PKDREJ: variants seen among roughly 807,000 people sequenced by gnomAD.
PKDREJ encodes polycystin family receptor for egg jelly, also known as PKD and REJ homolog.
For synonymous variants in PKDREJ, 1,031 were observed against 1,095.5 expected, an observed-to-expected ratio of 0.94 and a Z score of 1.16; for missense variants, 2,507 against 2,807.2, an observed-to-expected ratio of 0.89 and a Z score of 2.42.
At position 46,263,307 on chromosome 22, in the gene PKDREJ, C is replaced by T. The variant is rs2147777754; in HGVS notation, c.16G>A (p.Ala6Thr). The change falls in exon 1 of 1, where the codon GCT (alanine) becomes ACT (threonine). Residue 6 changes from alanine to threonine, a missense_variant. Transcript: ENST00000253255. The surrounding 1 kb of genome is among the most constrained non-coding windows in gnomAD (Gnocchi z 9.4). MRPGP[A>T]LLLLGVGLSL... is the part of the protein sequence containing the mutation. Reference sequence around the variant, plus strand: ...AGGCCCACGCCCAGAAGGAGGAGAGCGGGCCCAGGCCTCATGGCGCCGGCC... The same window carrying T: ...AGGCCCACGCCCAGAAGGAGGAGAGTGGGCCCAGGCCTCATGGCGCCGGCC... The T allele has an allele frequency of 2.8e-6, 4 of 1,441,578 alleles. No individual in the cohort carries two copies. Among genetic ancestry groups the T allele is most frequent in the Middle Eastern group, 2.5e-4 (1 of 4,060 alleles). 89.3% of individuals were successfully genotyped at this position (1,441,578 alleles called of 1,614,324 possible). A position where few individuals can be genotyped will look rare whatever the true frequency, so the allele number is the denominator to read the frequency against.
In PKDREJ at chr22:46,262,179, C is replaced by A; in HGVS notation, c.1144G>T (p.Asp382Tyr). The A allele has an allele frequency of 6.2e-7, 1 of 1,614,238 alleles. No homozygotes were observed. Among genetic ancestry groups the A allele is most frequent in the East Asian group, 2.2e-5 (1 of 44,884 alleles). Residue 382 changes from aspartate to tyrosine, a missense_variant, in exon 1 of 1, where the codon GAT (aspartate) becomes TAT (tyrosine). Transcript: ENST00000253255. The surrounding 1 kb of genome is among the most constrained non-coding windows in gnomAD (Gnocchi z 8.1). Reference sequence around the variant, plus strand: ...CGATCCCCACCGTAGTTTCTGGGATCTGTGGTACAGTACCAAAAGAACTGG... The same window carrying A: ...CGATCCCCACCGTAGTTTCTGGGATATGTGGTACAGTACCAAAAGAACTGG... ...GLQFFWYCTTDPRNYGGDRII... is the reference protein window; with the variant it reads ...GLQFFWYCTTYPRNYGGDRII...
chr22:46,259,962 G>T lies in PKDREJ; in HGVS notation c.3361C>A (p.Leu1121Ile). The change falls in exon 1 of 1, where the codon CTT (leucine) becomes ATT (isoleucine). Residue 1121 changes from leucine (L) to isoleucine (I), a missense_variant. Transcript: ENST00000253255. This position sits in a 1 kb window ranked among gnomAD's most constrained non-coding sequence, Gnocchi z 6.8. ...TCATACCAGCTGGTCTTCTCACCAA[G>T]AATGCAATAACCCTCTCTCCATTCA... Reference protein sequence around the residue: ...QSEWREGYCILGEKTSWYEVH... With the variant: ...QSEWREGYCIIGEKTSWYEVH... The T allele has an allele frequency of 6.2e-7, 1 of 1,614,084 alleles. No homozygotes were observed. The highest frequency in any genetic ancestry group is 8.5e-7 in the Non-Finnish European group (1 of 1,180,026).
chr22:46,255,708 C>A lies in PKDREJ; in HGVS notation c.*853G>T, dbSNP rs1011182578. The A allele has an allele frequency of 2.6e-5, 4 of 152,192 alleles. No individual in the cohort carries two copies. Among genetic ancestry groups the A allele is most frequent in the African/African-American group, 9.7e-5 (4 of 41,448 alleles). 9.4% of individuals were successfully genotyped at this position (152,192 alleles called of 1,614,324 possible). On this transcript the variant is annotated 3_prime_UTR_variant, in exon 1 of 1. Coordinates refer to ENST00000253255, the MANE Select transcript of PKDREJ (RefSeq NM_006071.2). The stretch of plus-strand genomic sequence containing the variant: ...TTAATTCTGATAAAGCTTAAAGTGG[C>A]ATCTACATAAATGAACATGCTTCTG...
In PKDREJ at chr22:46,256,271, C is replaced by G. The variant is rs961255341; in HGVS notation, c.*290G>C. The G allele has an allele frequency of 5.4e-6, 2 of 368,792 alleles. No individual in the cohort carries two copies. Among genetic ancestry groups the G allele is most frequent in the African/African-American group, 4.2e-5 (2 of 48,098 alleles). The allele number at this position is 368,792 out of a possible 1,614,324, so 22.8% of individuals were successfully genotyped here. A position where few individuals can be genotyped will look rare whatever the true frequency, so the allele number is the denominator to read the frequency against. On this transcript the variant is annotated 3_prime_UTR_variant, in exon 1 of 1. Transcript: ENST00000253255. The surrounding 1 kb of genome is among the most constrained non-coding windows in gnomAD (Gnocchi z 5.3). ...CTCTAAACTGCAGGCACCAAAGAAA[C>G]AGGGTTGCCCTTGTACGGGGAGTCA...
rs775051330 is a variant in PKDREJ at position 46,258,721 on chromosome 22, G to A, written c.4602C>T (p.Leu1534=). The change falls in exon 1 of 1, where the codon CTC becomes CTT. Residue 1534 remains leucine, a synonymous_variant. Transcript: ENST00000253255. This position sits in a 1 kb window ranked among gnomAD's most constrained non-coding sequence, Gnocchi z 6.1. ...RKAQIKTPET[L]GPNTNSNNNI... is the part of the protein sequence containing the mutation. ...TGTTATTGGAATTTGTATTTGGCCC[G>A]AGGGTCTCCGGGGTCTTGATTTGTG... 1.4e-5 allele frequency: 23 copies of A among 1,614,066 alleles called. No individual in the cohort carries two copies. Among genetic ancestry groups the A allele is most frequent in the Admixed American group, 3.3e-5 (2 of 60,008 alleles).
chr22:46,262,965 G>A lies in PKDREJ; in HGVS notation c.358C>T (p.Arg120Cys). ...LALVDLQLSA[R>C]GGRLSLTWSV... is the part of the protein sequence containing the mutation. ...CACGTCAGGGAGAGGCGGCCGCCGC[G>A]CGCGGAGAGCTGCAGGTCGACGAGC... Residue 120 changes from arginine to cysteine, a missense_variant, in exon 1 of 1, where the codon CGC becomes TGC. Physicochemically the swap from Arg to Cys is radical, Grantham distance 180. Transcript: ENST00000253255. This position sits in a 1 kb window ranked among gnomAD's most constrained non-coding sequence, Gnocchi z 8.1. The A allele has an allele frequency of 7.9e-6, 9 of 1,144,916 alleles. No individual in the cohort carries two copies. Among genetic ancestry groups the A allele is most frequent in the South Asian group, 3.3e-5 (1 of 30,752 alleles). The allele number at this position is 1,144,916 out of a possible 1,614,324, so 70.9% of individuals were successfully genotyped here. A position where few individuals can be genotyped will look rare whatever the true frequency, so the allele number is the denominator to read the frequency against.
At position 46,262,952 on chromosome 22, in the gene PKDREJ, A is replaced by G; in HGVS notation, c.371T>C (p.Leu124Pro). ...CAGCCGCACGGACCACGTCAGGGAG[A>G]GGCGGCCGCCGCGCGCGGAGAGCTG... Reference protein sequence around the residue: ...DLQLSARGGRLSLTWSVRLPR... With the variant: ...DLQLSARGGRPSLTWSVRLPR... Residue 124 changes from leucine to proline, a missense_variant, in exon 1 of 1, where the codon CTC (leucine) becomes CCC (proline). Transcript: ENST00000253255. This position sits in a 1 kb window ranked among gnomAD's most constrained non-coding sequence, Gnocchi z 8.1. 1.8e-6 allele frequency: 2 copies of G among 1,125,740 alleles called. No individual in the cohort carries two copies. Among genetic ancestry groups the G allele is most frequent in the Non-Finnish European group, 1.1e-6 (1 of 924,688 alleles). The allele number at this position is 1,125,740 out of a possible 1,614,324, so 69.7% of individuals were successfully genotyped here.
At position 46,258,200 on chromosome 22, in the gene PKDREJ, A is replaced by C. The variant is rs1364156019; in HGVS notation, c.5123T>G (p.Leu1708Arg). The C allele has an allele frequency of 6.2e-7, 1 of 1,614,068 alleles. No individual in the cohort carries two copies. The highest frequency in any genetic ancestry group is 2.2e-5 in the East Asian group (1 of 44,898). ...KRKKRIKRRA[L>R]LFLSYILTHF... ...AGTTAGAATGTAACTCAGAAACAGG[A>C]GTGCTCTTCTCTTGATCCTCTTCTT... Residue 1708 changes from leucine to arginine, a missense_variant, in exon 1 of 1, where the codon CTC becomes CGC. By Grantham distance (102) the Leu-to-Arg change is moderately radical. Coordinates refer to ENST00000253255, the MANE Select transcript of PKDREJ (RefSeq NM_006071.2). This position sits in a 1 kb window ranked among gnomAD's most constrained non-coding sequence, Gnocchi z 6.1.
rs1181888418 is a variant in PKDREJ at position 46,257,023 on chromosome 22, G to C, written c.6300C>G (p.Phe2100Leu). Residue 2100 changes from phenylalanine to leucine, a missense_variant, in exon 1 of 1, where the codon TTC (phenylalanine) becomes TTG (leucine). Physicochemically the swap from Phe to Leu is conservative, Grantham distance 22. Coordinates refer to ENST00000253255, the MANE Select transcript of PKDREJ (RefSeq NM_006071.2). The surrounding 1 kb of genome is among the most constrained non-coding windows in gnomAD (Gnocchi z 4.7). ...GGTAACCAAAAGCCATGTATACGAA[G>C]AAATACACGGACACAACAAATGCCA... ...CHMAFVVSVY[F>L]FVYMAFGYLV... 3.1e-6 allele frequency: 5 copies of C among 1,613,840 alleles called. No individual in the cohort carries two copies. Among genetic ancestry groups the C allele is most frequent in the Non-Finnish European group, 4.2e-6 (5 of 1,180,002 alleles).
Position 46,258,992 on chromosome 22 carries a change from A to G in PKDREJ, c.4331T>C (p.Ile1444Thr). 1 of 1,614,174 alleles carries G rather than the reference A, an allele frequency of 6.2e-7. No individual in the cohort carries two copies. ...CTGGGAACAGGTGAACAAAAAAGTT[A>G]TTAATAATTGCACAGGGATTGTAAT... The part of the protein sequence containing the change: ...VLITIPVQLL[I>T]TFLFTCSQRK... Residue 1444 changes from isoleucine to threonine, a missense_variant, in exon 1 of 1, where the codon ATA becomes ACA. Coordinates refer to ENST00000253255, the MANE Select transcript of PKDREJ (RefSeq NM_006071.2). The surrounding 1 kb of genome is among the most constrained non-coding windows in gnomAD (Gnocchi z 6.1).
In PKDREJ at chr22:46,258,128, C is replaced by G; in HGVS notation, c.5195G>C (p.Arg1732Pro). The part of the protein sequence containing the change: ...ALLLILIVLL[R>P]HTDCFYYNQF... Reference sequence around the variant, plus strand: ...GTTATAGTAAAAGCAGTCAGTGTGACGTAGTAAGACGATAAGGATCAACAG... The same window carrying G: ...GTTATAGTAAAAGCAGTCAGTGTGAGGTAGTAAGACGATAAGGATCAACAG... Residue 1732 changes from arginine to proline, a missense_variant, in exon 1 of 1, where the codon CGT (arginine) becomes CCT (proline). Arg to Pro is a moderately radical substitution (Grantham distance 103). Coordinates refer to ENST00000253255, the MANE Select transcript of PKDREJ (RefSeq NM_006071.2). The surrounding 1 kb of genome is among the most constrained non-coding windows in gnomAD (Gnocchi z 6.1). 6.2e-7 allele frequency: 1 copy of G among 1,613,992 alleles called. No homozygotes were observed. The highest frequency in any genetic ancestry group is 8.5e-7 in the Non-Finnish European group (1 of 1,179,914).
chr22:46,256,821 G>A lies in PKDREJ; in HGVS notation c.6502C>T (p.Gln2168Ter). ...VMICVLINLF[Q>*]AVILSAYEEM... Reference sequence around the variant, plus strand: ...TCATATGCAGACAGAATTACAGCCTGAAATAAGTTGATCAAGACGCAGATC... The same window carrying A: ...TCATATGCAGACAGAATTACAGCCTAAAATAAGTTGATCAAGACGCAGATC... Residue 2168 changes from glutamine to a stop codon, truncating the protein, a stop_gained, in exon 1 of 1, where the codon CAG becomes TAG. Transcript: ENST00000253255. LOFTEE classifies it low-confidence loss of function (END_TRUNC). This position sits in a 1 kb window ranked among gnomAD's most constrained non-coding sequence, Gnocchi z 5.3. 2 of 1,614,026 alleles carry A rather than the reference G, an allele frequency of 1.2e-6. No homozygotes were observed. Among genetic ancestry groups the A allele is most frequent in the Non-Finnish European group, 1.7e-6 (2 of 1,180,012 alleles).
In PKDREJ at chr22:46,257,784, G is replaced by A. The variant is rs200020318; in HGVS notation, c.5539C>T (p.Gln1847Ter). The A allele has an allele frequency of 6.8e-5, 109 of 1,614,100 alleles. 3 individuals carry two copies. Among genetic ancestry groups the A allele is most frequent in the South Asian group, 4.2e-4 (38 of 91,082 alleles). The change falls in exon 1 of 1, where the codon CAG becomes TAG. Residue 1847 changes from glutamine to a stop codon, truncating the protein, a stop_gained. Transcript: ENST00000253255. LOFTEE classifies it low-confidence loss of function (END_TRUNC). The surrounding 1 kb of genome is among the most constrained non-coding windows in gnomAD (Gnocchi z 4.7). Reference sequence around the variant, plus strand: ...CCATTGGTACTCTCATCTATAGCCTGCTTATCAACTTCATTCCAAAAGCCA... The same window carrying A: ...CCATTGGTACTCTCATCTATAGCCTACTTATCAACTTCATTCCAAAAGCCA... ...YSGFWNEVDK[Q>*]AIDESTNGFT... is the part of the protein sequence containing the mutation.
At position 46,257,040 on chromosome 22, in the gene PKDREJ, C is replaced by A. The variant is rs953718297; in HGVS notation, c.6283G>T (p.Val2095Phe). The A allele has an allele frequency of 1.9e-6, 3 of 1,613,968 alleles. No individual in the cohort carries two copies. The Admixed American group carries it at 5.0e-5, about 27-fold the overall frequency. ...ALPGICHMAF[V>F]VSVYFFVYMA... ...TATACGAAGAAATACACGGACACAA[C>A]AAATGCCATGTGGCAGATGCCAGGG... The change falls in exon 1 of 1, where the codon GTT becomes TTT. Residue 2095 changes from valine (V) to phenylalanine (F), a missense_variant. Physicochemically the swap from Val to Phe is conservative, Grantham distance 50. Coordinates refer to ENST00000253255, the MANE Select transcript of PKDREJ (RefSeq NM_006071.2). This position sits in a 1 kb window ranked among gnomAD's most constrained non-coding sequence, Gnocchi z 4.7.
In PKDREJ at chr22:46,262,627, G is replaced by T; in HGVS notation, c.696C>A (p.Arg232=). ...INTDQKGAPV[R]LSMQAEATIN... ...TGGTGGCCTCCGCCTGCATGCTCAGGCGCACGGGGGCGCCCTTCTGGTCCG... is the reference window on the plus strand; with the variant it reads ...TGGTGGCCTCCGCCTGCATGCTCAGTCGCACGGGGGCGCCCTTCTGGTCCG... The change falls in exon 1 of 1, where the codon CGC becomes CGA. Residue 232 remains arginine, a synonymous_variant. Coordinates refer to ENST00000253255, the MANE Select transcript of PKDREJ (RefSeq NM_006071.2). This position sits in a 1 kb window ranked among gnomAD's most constrained non-coding sequence, Gnocchi z 8.1. 1.2e-6 allele frequency: 2 copies of T among 1,613,044 alleles called. No homozygotes were observed. Among genetic ancestry groups the T allele is most frequent in the South Asian group, 2.2e-5 (2 of 91,046 alleles).
rs772560541 is a variant in PKDREJ, at chr22:46,260,187, G to T, written c.3136C>A (p.Pro1046Thr). 3.7e-6 allele frequency: 6 copies of T among 1,614,124 alleles called. No individual in the cohort carries two copies. Among genetic ancestry groups the T allele is most frequent in the Non-Finnish European group, 5.1e-6 (6 of 1,180,024 alleles). Residue 1046 changes from proline (P) to threonine (T), a missense_variant, in exon 1 of 1, where the codon CCA becomes ACA. Pro to Thr is a conservative substitution (Grantham distance 38). Transcript: ENST00000253255. The surrounding 1 kb of genome is among the most constrained non-coding windows in gnomAD (Gnocchi z 4.5). The part of the protein sequence containing the change: ...PFASQSALFD[P>T]ACTVKKARVV... ...CGGGCCTTCTTCACTGTGCAGGCTGGGTCAAACAGGGCACTCTGGCTGGCA... is the reference window on the plus strand; with the variant it reads ...CGGGCCTTCTTCACTGTGCAGGCTGTGTCAAACAGGGCACTCTGGCTGGCA...
chr22:46,260,224 G>A lies in PKDREJ; in HGVS notation c.3099C>T (p.Asp1033=). 6 of 1,614,166 alleles carry A rather than the reference G, an allele frequency of 3.7e-6. No individual in the cohort carries two copies. The highest frequency in any genetic ancestry group is 5.1e-6 in the Non-Finnish European group (6 of 1,180,040). ...CACTCTGGCTGGCAAATGGAGGGAT[G>A]TCATGAGGCACCAGGAAGGTGGCGA... The part of the protein sequence containing the change: ...ALVATFLVPH[D]IPPFASQSAL... The change falls in exon 1 of 1, where the codon GAC becomes GAT. Residue 1033 remains aspartate, a synonymous_variant. Coordinates refer to ENST00000253255, the MANE Select transcript of PKDREJ (RefSeq NM_006071.2). This position sits in a 1 kb window ranked among gnomAD's most constrained non-coding sequence, Gnocchi z 4.5.
In PKDREJ at chr22:46,262,481, T is replaced by C; in HGVS notation, c.842A>G (p.Gln281Arg). The C allele has an allele frequency of 6.3e-7, 1 of 1,594,216 alleles. No individual in the cohort carries two copies. Residue 281 changes from glutamine (Q) to arginine (R), a missense_variant, in exon 1 of 1, where the codon CAG (glutamine) becomes CGG (arginine). Transcript: ENST00000253255. The surrounding 1 kb of genome is among the most constrained non-coding windows in gnomAD (Gnocchi z 8.1). ...PDWTQPLDLP[Q>R]LEIRNSPLFI... Reference sequence around the variant, plus strand: ...CAAGGGGCTGTTCCTGATCTCGAGCTGGGGCAGATCCAAGGGCTGCGTCCA... The same window carrying C: ...CAAGGGGCTGTTCCTGATCTCGAGCCGGGGCAGATCCAAGGGCTGCGTCCA...
rs2147776575 is a variant in PKDREJ, at chr22:46,261,833, G to A, written c.1490C>T (p.Ser497Phe). Residue 497 changes from serine to phenylalanine, a missense_variant, in exon 1 of 1, where the codon TCT (serine) becomes TTT (phenylalanine). Physicochemically the swap from Ser to Phe is radical, Grantham distance 155. Coordinates refer to ENST00000253255, the MANE Select transcript of PKDREJ (RefSeq NM_006071.2). The surrounding 1 kb of genome is among the most constrained non-coding windows in gnomAD (Gnocchi z 7.1). The stretch of plus-strand genomic sequence containing the variant: ...AAATAGCATCTCACCACCTGAAGAA[G>A]ACAAAATTGACCATTTATAGAAATC... Reference protein sequence around the residue: ...SRDFYKWSILSSSGGEMLFDW... With the variant: ...SRDFYKWSILFSSGGEMLFDW... 1 of 1,613,842 alleles carries A rather than the reference G, an allele frequency of 6.2e-7. No individual in the cohort carries two copies. Among genetic ancestry groups the A allele is most frequent in the Non-Finnish European group, 8.5e-7 (1 of 1,179,930 alleles).
Sources: allele counts gnomAD v4.1 joint callset, GRCh38; gene constraint gnomAD v4.1.1; non-coding constraint Gnocchi (gnomAD v3.1); transcripts MANE v1.5; gene names NCBI Gene and HGNC (gene_info 2026-07-23, HGNC 2026-07-21).